COL1A2: variants seen among roughly 807,000 people sequenced by gnomAD.
COL1A2 encodes collagen alpha-2(I) chain.
COL1A2 carries 49 observed loss-of-function variants against 174.3 expected under a neutral mutation model. The observed-to-expected ratio is 0.28, with a 90% confidence interval of 0.22 to 0.36. The LOEUF is 0.36. COL1A2 is among the 10% of genes least tolerant of loss of function. The pLI, the probability that COL1A2 is intolerant of heterozygous loss-of-function variation, is 1.00. For synonymous variants in COL1A2, 655 were observed against 606.6 expected (o/e 1.08, Z -1.17); for missense variants, 1,438 against 1,822.7 (o/e 0.79, Z 3.84).
intron 51 of COL1A2, 41 bp downstream of exon 51, chr7:94,429,471 G>A (rs774146176): frequency 1.9e-6 from 3 of 1,610,656 alleles, no homozygotes; most frequent in Non-Finnish European, 2.5e-6. Context: ...TGGGAAGTGG[G>A]ATGGAGGGGG....
chr7:94,397,284 C>A (rs1584311598), intron 1 of COL1A2, among the ~76,000 whole-genome samples: 1 of 152,144 alleles, frequency 6.6e-6, no homozygotes, highest in Middle Eastern at 3.4e-3. Flanking sequence ...TCATAAAAAA[C>A]AAATTCAATA....
At chr7:94,406,509 T>G (rs777831896) in intron 12 of COL1A2, among the ~76,000 whole-genome samples, 1 of 152,182 alleles carries the variant, frequency 6.6e-6, no homozygotes, top group African/African-American at 2.4e-5. Flanking sequence ...AAATTCAATA[T>G]CTATTAAACA....
Position 94,423,135 on chromosome 7 carries a change from T to A in COL1A2, c.2565+17T>A. The A allele has an allele frequency of 6.2e-7, 1 of 1,613,788 alleles. No individual in the cohort carries two copies. The highest frequency in any genetic ancestry group is 1.3e-5 in the African/African-American group (1 of 75,008). On this transcript the variant is annotated intron_variant, in intron 40 of 51. Transcript: ENST00000297268. ...GGTACTGCTGTAAGTGATTTCCAAC[T>A]CCTCTTTCTTAATACCTTATGCTGA...
At chr7:94,428,663 A>G (rs1792336793) in intron 50 of COL1A2, among the ~76,000 whole-genome samples, 186 bp downstream of exon 50, 2 of 152,244 alleles carry the variant, frequency 1.3e-5, no homozygotes, top group African/African-American at 4.8e-5. Context: ...CATCCATGTA[A>G]TTCAAAGTTA....
intron 40 of COL1A2, chr7:94,423,400 G>A (rs918374168): frequency 9.0e-6 from 4 of 446,684 alleles, no homozygotes; most frequent in Admixed American, 3.4e-5. Context: ...TTAGAACAGA[G>A]TCCCATTGCT....
At chr7:94,418,438 T>G (rs369077433) in intron 32 of COL1A2, 61 bp from the exon 33 acceptor site, 29 of 1,439,632 alleles carry the variant, frequency 2.0e-5, no homozygotes, top group Non-Finnish European at 2.5e-5. Flanking sequence ...AAACTTCATA[T>G]TAATTTCGAT....
Position 94,402,126 on chromosome 7 carries a change from A to C in COL1A2, c.279+506A>C, listed in dbSNP as rs150078688. ...GAGTTTAAGCCCTTTTCTCAAAGTCATCCAGGTAACTAATGACATAACTAG... is the reference window on the plus strand; with the variant it reads ...GAGTTTAAGCCCTTTTCTCAAAGTCCTCCAGGTAACTAATGACATAACTAG... On this transcript the variant is annotated intron_variant, in intron 6 of 51. Coordinates refer to ENST00000297268, the MANE Select transcript of COL1A2 (RefSeq NM_000089.4). 2.0e-3 allele frequency among the ~76,000 whole-genome samples: 307 copies of C among 152,256 alleles called. 1 individual carries two copies. The highest frequency in any genetic ancestry group is 3.7e-3 in the Non-Finnish European group (249 of 68,000).
intron 26 of COL1A2, among the ~76,000 whole-genome samples, 194 bp downstream of exon 26, chr7:94,413,330 C>T (rs1413853442): frequency 5.9e-5 from 9 of 152,114 alleles, no homozygotes; most frequent in Admixed American, 5.2e-4. Context: ...TCAGAATATA[C>T]ATTAGGTCAA....
intron 10 of COL1A2, among the ~76,000 whole-genome samples, 165 bp from the exon 11 acceptor site, chr7:94,405,508 T>C (rs530235529): frequency 6.6e-6 from 1 of 152,354 alleles, no homozygotes; most frequent in African/African-American, 2.4e-5. Context: ...TATTATTAGT[T>C]ACTCACATTA....
Position 94,427,329 on chromosome 7 carries a change from C to T in COL1A2, c.3267+34C>T, listed in dbSNP as rs180685278. The T allele has an allele frequency of 1.1e-4, 169 of 1,548,222 alleles. 1 individual carries two copies. In the East Asian group the frequency reaches 2.6e-3, roughly 24 times the overall value. ...GATTTGGGGAAATAATAAAGAAGAT[C>T]ACGGACCTAAGGAATGTTTTCTTCA... On this transcript the variant is annotated intron_variant, in intron 48 of 51. Transcript: ENST00000297268.
chr7:94,418,149 G>A (rs1039357890), intron 32 of COL1A2, among the ~76,000 whole-genome samples: 1 of 152,170 alleles, frequency 6.6e-6, no homozygotes, highest in Non-Finnish European at 1.5e-5. Flanking sequence ...CAACCATGCT[G>A]CTGCATTAGT....
chr7:94,406,911 C>T (rs780558396), intron 12 of COL1A2, among the ~76,000 whole-genome samples: 1 of 152,082 alleles, frequency 6.6e-6, no homozygotes, highest in Non-Finnish European at 1.5e-5. Flanking sequence ...TAATGAGTAA[C>T]GAATACTAGC....
At chr7:94,409,225 G>T (rs974194865) in intron 16 of COL1A2, 97 bp from the exon 17 acceptor site, 2 of 1,129,940 alleles carry the variant, frequency 1.8e-6, no homozygotes, top group African/African-American at 3.1e-5. Context: ...CAATTTTGAA[G>T]TTTTATGAAG....
In COL1A2 at chr7:94,406,285, C is replaced by G. The variant is rs140656978; in HGVS notation, c.576C>G (p.Pro192=). 28 of 1,613,946 alleles carry G rather than the reference C, an allele frequency of 1.7e-5. No homozygotes were observed. In the African/African-American group the frequency reaches 3.3e-4, roughly 19 times the overall value. The change falls in exon 12 of 52, where the codon CCC becomes CCG. Residue 192 remains proline (P), a synonymous_variant. Transcript: ENST00000297268. The part of the protein sequence containing the change: ...HNGLDGLKGQ[P]GAPGVKGEPG... Reference sequence around the variant, plus strand: ...GTCTGGATGGATTGAAGGGACAGCCCGGTGCTCCTGGTGTGAAGGTAAATA... The same window carrying G: ...GTCTGGATGGATTGAAGGGACAGCCGGGTGCTCCTGGTGTGAAGGTAAATA...
intron 39 of COL1A2, chr7:94,422,157 T>C: frequency 4.1e-6 from 2 of 484,942 alleles, no homozygotes; most frequent in Non-Finnish European, 7.3e-6. Flanking sequence ...CTTTTATTCA[T>C]GTGAACACCA....
intron 16 of COL1A2, 152 bp downstream of exon 16, chr7:94,408,975 C>T: frequency 2.5e-6 from 2 of 793,014 alleles, no homozygotes; most frequent in Middle Eastern, 4.8e-4. Context: ...GACCAGTTTT[C>T]TCACTCTACA....
chr7:94,428,661 T>C (rs1173009633), intron 50 of COL1A2, among the ~76,000 whole-genome samples, 184 bp downstream of exon 50: 1 of 152,254 alleles, frequency 6.6e-6, no homozygotes, highest in Non-Finnish European at 1.5e-5. Flanking sequence ...CACATCCATG[T>C]AATTCAAAGT....
chr7:94,421,571 A>G (rs1439298260), intron 38 of COL1A2, among the ~76,000 whole-genome samples: 1 of 152,226 alleles, frequency 6.6e-6, no homozygotes, highest in Non-Finnish European at 1.5e-5. Flanking sequence ...ATTAATGTAT[A>G]CACATTAATG....
intron 48 of COL1A2, 150 bp from the exon 49 acceptor site, chr7:94,427,477 G>A (rs971530291): frequency 5.4e-6 from 6 of 1,110,950 alleles, no homozygotes; most frequent in African/African-American, 1.5e-5. Context: ...AAGTGTGCCT[G>A]GGGGCTCGTT....
Sources: allele counts gnomAD v4.1 joint callset (sites outside exome capture counted in the v4.1 genomes callset), GRCh38; gene constraint gnomAD v4.1.1; transcripts MANE v1.5; gene names NCBI Gene and HGNC (gene_info 2026-07-23, HGNC 2026-07-21).